GIPC1: variants seen among roughly 807,000 people sequenced by gnomAD.
The protein encoded by GIPC1 is GIPC PDZ domain containing family member 1.
A neutral mutation model predicts 28.5 loss-of-function variants in GIPC1; 15 were observed. The ratio of observed to expected loss-of-function variants is 0.53; its 90% CI spans 0.35 to 0.81. GIPC1 has a LOEUF of 0.81. GIPC1 is among the 30% of genes least tolerant of loss of function. The probability of loss-of-function intolerance (pLI) is 0.01; values close to 1 mark genes in which losing one functional copy is unlikely to be tolerated. For synonymous variants in GIPC1, 224 were observed against 206.1 expected, an observed-to-expected ratio of 1.09 and a Z score of -0.74; for missense variants, 439 against 481.9, an observed-to-expected ratio of 0.91 and a Z score of 0.83.
intron 1 of GIPC1, among the ~76,000 whole-genome samples, chr19:14,494,486 A>G (rs1599367747): frequency 6.6e-6 from 1 of 152,230 alleles, no homozygotes; most frequent in African/African-American, 2.4e-5. Context: ...AGTTAGTGCC[A>G]TCTGAAATTA....
At position 14,478,523 on chromosome 19, in the gene GIPC1, C is replaced by T; in HGVS notation, c.895G>A (p.Glu299Lys). The change falls in exon 9 of 9, where the codon GAG (glutamate) becomes AAG (lysine). Residue 299 changes from glutamate (E) to lysine (K), a missense_variant. By Grantham distance (56) the Glu-to-Lys change is moderately conservative. Coordinates refer to ENST00000393033, the MANE Select transcript of GIPC1 (RefSeq NM_005716.4). This position sits in a 1 kb window ranked among gnomAD's most constrained non-coding sequence, Gnocchi z 5.2. The part of the protein sequence containing the change: ...ELGKDKRNPD[E>K]LAEALDERLG... ...CGTTCGTCCAGGGCCTCGGCCAGCT[C>T]ATCCGGGTTCCTTTTGTCCTTTCCC... 2 of 1,614,114 alleles carry T rather than the reference C, an allele frequency of 1.2e-6. No individual in the cohort carries two copies. Among genetic ancestry groups the T allele is most frequent in the Non-Finnish European group, 1.7e-6 (2 of 1,180,024 alleles).
Position 14,478,528 on chromosome 19 carries a change from G to C in GIPC1, c.890C>G (p.Pro297Arg). 4.3e-6 allele frequency: 7 copies of C among 1,614,064 alleles called. No individual in the cohort carries two copies. Among genetic ancestry groups the C allele is most frequent in the Non-Finnish European group, 5.9e-6 (7 of 1,180,000 alleles). ...MVELGKDKRN[P>R]DELAEALDER... ...GTCCAGGGCCTCGGCCAGCTCATCC[G>C]GGTTCCTTTTGTCCTTTCCCAGCTC... Residue 297 changes from proline (P) to arginine (R), a missense_variant, in exon 9 of 9, where the codon CCG (proline) becomes CGG (arginine). By Grantham distance (103) the Pro-to-Arg change is moderately radical. Coordinates refer to ENST00000393033, the MANE Select transcript of GIPC1 (RefSeq NM_005716.4). This position sits in a 1 kb window ranked among gnomAD's most constrained non-coding sequence, Gnocchi z 5.2.
intron 3 of GIPC1, among the ~76,000 whole-genome samples, chr19:14,490,923 C>G (rs1265884609): frequency 6.9e-6 from 1 of 144,258 alleles, no homozygotes; most frequent in Non-Finnish European, 1.5e-5. Context: ...TGCAGTGAGC[C>G]GAGATCATGC....
chr19:14,478,210 C>G lies in GIPC1; in HGVS notation c.*206G>C. 1 of 564,968 alleles carries G rather than the reference C, an allele frequency of 1.8e-6. No homozygotes were observed. Among genetic ancestry groups the G allele is most frequent in the South Asian group, 2.6e-5 (1 of 39,162 alleles). 35.0% of individuals were successfully genotyped at this position (564,968 alleles called of 1,614,324 possible). A position where few individuals can be genotyped will look rare whatever the true frequency, so the allele number is the denominator to read the frequency against. On this transcript the variant is annotated 3_prime_UTR_variant, in exon 9 of 9. Coordinates refer to ENST00000393033, the MANE Select transcript of GIPC1 (RefSeq NM_005716.4). This position sits in a 1 kb window ranked among gnomAD's most constrained non-coding sequence, Gnocchi z 5.2. ...AGGTGGGGAACAGGGCACAGGGGGG[C>G]CGGGGACCCCGGCCAGACTGGGAAC...
intron 3 of GIPC1, among the ~76,000 whole-genome samples, chr19:14,486,050 G>A (rs71334704): frequency 0.089 from 13,510 of 152,076 alleles, 670 homozygotes; most frequent in African/African-American, 0.13. Context: ...GATTACAGGC[G>A]TGAGCCACTG....
In GIPC1 at chr19:14,478,763, G is replaced by C. The variant is rs1364848689; in HGVS notation, c.771C>G (p.Pro257=). 5 of 1,610,788 alleles carry C rather than the reference G, an allele frequency of 3.1e-6. No individual in the cohort carries two copies. Among genetic ancestry groups the C allele is most frequent in the Non-Finnish European group, 3.4e-6 (4 of 1,177,456 alleles). ...SRGPATVEDL[P]SAFEEKAIEK... ...CAATGGCCTTCTCTTCAAAGGCAGA[G>C]GGCTGGGGGCCAGGGAGGGGTGACA... Residue 257 remains proline (P), a splice_region_variant and synonymous_variant, in exon 8 of 9, where the codon CCC becomes CCG. Transcript: ENST00000393033. The surrounding 1 kb of genome is among the most constrained non-coding windows in gnomAD (Gnocchi z 5.2).
At position 14,478,240 on chromosome 19, in the gene GIPC1, G is replaced by A; in HGVS notation, c.*176C>T. 6.5e-6 allele frequency: 4 copies of A among 613,382 alleles called. No individual in the cohort carries two copies. Among genetic ancestry groups the A allele is most frequent in the Non-Finnish European group, 1.1e-5 (4 of 365,188 alleles). 38.0% of individuals were successfully genotyped at this position (613,382 alleles called of 1,614,324 possible). On this transcript the variant is annotated 3_prime_UTR_variant, in exon 9 of 9. Transcript: ENST00000393033. The surrounding 1 kb of genome is among the most constrained non-coding windows in gnomAD (Gnocchi z 5.2). ...GACCCCGGCCAGACTGGGAACCAGG[G>A]AGGGGATGGTACCGATTGGAGCGGG...
intron 2 of GIPC1, among the ~76,000 whole-genome samples, chr19:14,492,589 A>G (rs2146494675): frequency 6.6e-6 from 1 of 152,250 alleles, no homozygotes; most frequent in East Asian, 1.9e-4. Flanking sequence ...TATAGGCGTG[A>G]GCCACTGCAC....
rs1265784213 is a variant in GIPC1, at chr19:14,480,582, T to A, written c.474+11A>T. On this transcript the variant is annotated intron_variant, in intron 5 of 8. Coordinates refer to ENST00000393033, the MANE Select transcript of GIPC1 (RefSeq NM_005716.4). Reference sequence around the variant, plus strand: ...TCCCAGGCCTCCGGGGTGCCCCGTCTCCCCAGGCACCTTGATGAAGGCGTA... The same window carrying A: ...TCCCAGGCCTCCGGGGTGCCCCGTCACCCCAGGCACCTTGATGAAGGCGTA... 3 of 1,612,422 alleles carry A rather than the reference T, an allele frequency of 1.9e-6. No homozygotes were observed. Among genetic ancestry groups the A allele is most frequent in the Non-Finnish European group, 2.5e-6 (3 of 1,179,004 alleles).
intron 3 of GIPC1, among the ~76,000 whole-genome samples, chr19:14,487,696 T>C (rs1008743000): frequency 2.0e-5 from 3 of 150,214 alleles, no homozygotes; most frequent in South Asian, 2.1e-4. Flanking sequence ...TTTTTTTTTT[T>C]GACAGAGTCT....
chr19:14,495,193 G>A (rs556235268), intron 1 of GIPC1, among the ~76,000 whole-genome samples: 11 of 152,286 alleles, frequency 7.2e-5, no homozygotes, highest in African/African-American at 2.6e-4. Context: ...TCTCTTCTCT[G>A]GACCCAGGTA....
intron 3 of GIPC1, among the ~76,000 whole-genome samples, chr19:14,486,093 C>A (rs906872219): frequency 2.0e-5 from 3 of 152,042 alleles, no homozygotes; most frequent in African/African-American, 7.2e-5. Flanking sequence ...TCTCTGTTGC[C>A]CAGGCTGGTC....
At chr19:14,487,393 C>T (rs139970320) in intron 3 of GIPC1, among the ~76,000 whole-genome samples, 3 of 151,962 alleles carry the variant, frequency 2.0e-5, no homozygotes, top group South Asian at 4.2e-4. Context: ...CCACCATGCC[C>T]GGCTAATTTT....
chr19:14,490,120 CT>C (rs1428672310), intron 3 of GIPC1, among the ~76,000 whole-genome samples: 2 of 152,238 alleles, frequency 1.3e-5, no homozygotes, highest in East Asian at 3.9e-4. Context: ...AATCCCTGCA[CT>C]TTGGGAGGCC....
intron 6 of GIPC1, chr19:14,480,054 C>T (rs2071690614): frequency 1.7e-6 from 1 of 587,512 alleles, no homozygotes; most frequent in Admixed American, 3.0e-5. Context: ...GCTGAGGGCG[C>T]TTGGCTGGGC....
intron 3 of GIPC1, among the ~76,000 whole-genome samples, chr19:14,488,482 G>A (rs1300703600): frequency 2.0e-5 from 3 of 151,624 alleles, no homozygotes; most frequent in Non-Finnish European, 2.9e-5. Flanking sequence ...AGCCAGGCGC[G>A]GTGGCTCATG....
chr19:14,486,712 C>CTTTTTTTTT (rs35491814), intron 3 of GIPC1, among the ~76,000 whole-genome samples: 6 of 124,756 alleles, frequency 4.8e-5, no homozygotes, highest in Admixed American at 1.8e-4. Context: ...TTCTTTCTTT[C>CTTTTTTTTT]TTTTTTTTTT....
intron 2 of GIPC1, among the ~76,000 whole-genome samples, chr19:14,492,345 T>C (rs969095148): frequency 1.1e-4 from 17 of 151,820 alleles, no homozygotes; most frequent in Admixed American, 9.2e-4. Context: ...CTCGCTCTGT[T>C]GCCCAGGCTG....
At chr19:14,486,016 T>C (rs2071836595) in intron 3 of GIPC1, among the ~76,000 whole-genome samples, 1 of 152,052 alleles carries the variant, frequency 6.6e-6, no homozygotes, top group Non-Finnish European at 1.5e-5. Context: ...ATGATCCGCC[T>C]GCCTCGGCCT....
Sources: allele counts gnomAD v4.1 joint callset (sites outside exome capture counted in the v4.1 genomes callset), GRCh38; gene constraint gnomAD v4.1.1; non-coding constraint Gnocchi (gnomAD v3.1); transcripts MANE v1.5; gene names NCBI Gene and HGNC (gene_info 2026-07-23, HGNC 2026-07-21).